Variants in SLC44A5 observed in about 807,000 individuals in gnomAD.
SLC44A5 encodes choline transporter-like protein 5.
A neutral mutation model predicts 101.8 loss-of-function variants in SLC44A5; 57 were observed. The observed-to-expected ratio is 0.56, with a 90% CI of 0.45 to 0.70. The LOEUF is 0.70. Among genes scored for constraint, SLC44A5 ranks in the 30% least tolerant of loss-of-function variants. The probability of loss-of-function intolerance (pLI) is 0.00; values close to 1 mark genes in which losing one functional copy is unlikely to be tolerated. For synonymous variants in SLC44A5, 281 were observed against 290.9 expected, an observed-to-expected ratio of 0.97 and a Z score of 0.35; for missense variants, 737 against 853.1, an observed-to-expected ratio of 0.86 and a Z score of 1.70.
rs370968550 is a variant in SLC44A5 at position 75,565,320 on chromosome 1, A to T, written c.-69-23804T>A. On this transcript the variant is annotated intron_variant, in intron 1 of 23. Coordinates refer to ENST00000370859, the MANE Select transcript of SLC44A5 (RefSeq NM_001130058.2). ...GTTCATCCTCAAAATGTTTAACAAG[A>T]TCTCAGCAGGAGACAAAGAGAAGTC... Among the ~76,000 whole-genome samples, 3 of 152,222 alleles carry T rather than the reference A, an allele frequency of 2.0e-5. No individual in the cohort carries two copies. In the East Asian group the frequency reaches 5.8e-4, roughly 29 times the overall value.
At chr1:75,429,049 T>C (rs933105702) in intron 2 of SLC44A5, among the ~76,000 whole-genome samples, 1 of 152,246 alleles carries the variant, frequency 6.6e-6, no homozygotes, top group African/African-American at 2.4e-5. Flanking sequence ...CTGTAGGTTT[T>C]AAAGAGGACA....
At chr1:75,397,947 T>A (rs1457721765) in intron 2 of SLC44A5, among the ~76,000 whole-genome samples, 1 of 152,158 alleles carries the variant, frequency 6.6e-6, no homozygotes, top group Non-Finnish European at 1.5e-5. Flanking sequence ...GTAAGCATTA[T>A]TAGGGACATA....
At chr1:75,254,579 G>A (rs1402567074) in intron 6 of SLC44A5, among the ~76,000 whole-genome samples, 3 of 152,140 alleles carry the variant, frequency 2.0e-5, no homozygotes, top group Admixed American at 6.5e-5. Flanking sequence ...AATAAACCTC[G>A]CCACACAAGC....
the SLC44A5 span, among the ~76,000 whole-genome samples, chr1:75,668,117 C>T: frequency 6.6e-6 from 1 of 152,050 alleles, no homozygotes; most frequent in Non-Finnish European, 1.5e-5. Context: ...AAACACATTG[C>T]TATCTCATTA....
intron 2 of SLC44A5, among the ~76,000 whole-genome samples, chr1:75,409,504 C>T (rs1483095334): frequency 1.3e-5 from 2 of 151,736 alleles, no homozygotes; most frequent in Admixed American, 6.6e-5. Context: ...AGTGAGTGTT[C>T]AAAAAGAGAG....
At chr1:75,205,164 T>A (rs1333427852) in intron 23 of SLC44A5, 1 of 152,192 alleles carries the variant, frequency 6.6e-6, no homozygotes, top group African/African-American at 2.4e-5. Context: ...ATTCATTGGC[T>A]TATTGCTATT....
chr1:75,680,262 C>G, the SLC44A5 span, among the ~76,000 whole-genome samples: 7 of 151,604 alleles, frequency 4.6e-5, no homozygotes, highest in East Asian at 1.9e-4. Flanking sequence ...CCAAGCGGAC[C>G]TAATAGACAT....
intron 5 of SLC44A5, among the ~76,000 whole-genome samples, chr1:75,282,958 G>C (rs955496158): frequency 6.6e-6 from 1 of 152,044 alleles, no homozygotes; most frequent in African/African-American, 2.4e-5. Context: ...ATCGGGTGAC[G>C]GTAAACATGC....
chr1:75,241,234 A>C (rs1036069192), intron 9 of SLC44A5, among the ~76,000 whole-genome samples: 5 of 151,328 alleles, frequency 3.3e-5, no homozygotes, highest in East Asian at 1.9e-4. Flanking sequence ...TTTTCTTTTT[A>C]TTTTTTTAGA....
chr1:75,573,279 G>A (rs1036398776), intron 1 of SLC44A5, among the ~76,000 whole-genome samples: 1 of 151,968 alleles, frequency 6.6e-6, no homozygotes, highest in Non-Finnish European at 1.5e-5. Context: ...GGGAGGCAGA[G>A]GTTGCAGTGA....
At chr1:75,207,597 G>A (rs969084838) in intron 23 of SLC44A5, among the ~76,000 whole-genome samples, 11 of 152,130 alleles carry the variant, frequency 7.2e-5, no homozygotes, top group African/African-American at 2.4e-5. Context: ...TTCTACTAGC[G>A]CTCACAGTGA....
chr1:75,501,316 C>G (rs1259993134), intron 2 of SLC44A5, among the ~76,000 whole-genome samples: 4 of 152,170 alleles, frequency 2.6e-5, no homozygotes, highest in Admixed American at 2.6e-4. Context: ...CTTGATTCCT[C>G]TATACCTCCT....
At chr1:75,698,301 G>A in the SLC44A5 span, among the ~76,000 whole-genome samples, 1 of 152,182 alleles carries the variant, frequency 6.6e-6, no homozygotes, top group Non-Finnish European at 1.5e-5. Context: ...CGCAGCTGGA[G>A]ATCTGAGAAT....
At chr1:75,646,156 C>A in the SLC44A5 span, among the ~76,000 whole-genome samples, 3 of 134,952 alleles carry the variant, frequency 2.2e-5, 1 homozygote, top group South Asian at 9.5e-4. Flanking sequence ...TAGTTTTTTC[C>A]AATTCTGTGA....
intron 23 of SLC44A5, among the ~76,000 whole-genome samples, chr1:75,209,898 T>G (rs868550245): frequency 6.6e-6 from 1 of 152,188 alleles, no homozygotes; most frequent in Non-Finnish European, 1.5e-5. Flanking sequence ...TGTGTAGTTG[T>G]GCAGCTAACA....
intron 6 of SLC44A5, among the ~76,000 whole-genome samples, chr1:75,263,623 TTACTGGGTATA>T (rs1229354368): frequency 6.6e-6 from 1 of 152,184 alleles, no homozygotes; most frequent in Non-Finnish European, 1.5e-5. Flanking sequence ...AGCAATCCCA[TTACTGGGTATA>T]TACCCAAAGG....
At chr1:75,422,596 G>T (rs1664074431) in intron 2 of SLC44A5, among the ~76,000 whole-genome samples, 1 of 152,150 alleles carries the variant, frequency 6.6e-6, no homozygotes, top group South Asian at 2.1e-4. Flanking sequence ...TTGACTGAGG[G>T]ACATATTTAT....
chr1:75,546,978 T>C (rs1671683425), intron 1 of SLC44A5, among the ~76,000 whole-genome samples: 1 of 152,130 alleles, frequency 6.6e-6, no homozygotes, highest in East Asian at 1.9e-4. Flanking sequence ...TCTGCTAAAA[T>C]TGAAGCAAGA....
At chr1:75,695,941 C>G in the SLC44A5 span, among the ~76,000 whole-genome samples, 2 of 151,128 alleles carry the variant, frequency 1.3e-5, no homozygotes, top group Non-Finnish European at 1.5e-5. Context: ...CTGGGAAAGT[C>G]TTACACTAAT....
Sources: allele counts gnomAD v4.1 joint callset (sites outside exome capture counted in the v4.1 genomes callset), GRCh38; gene constraint gnomAD v4.1.1; transcripts MANE v1.5; gene names NCBI Gene and HGNC (gene_info 2026-07-23, HGNC 2026-07-21).